RP1: variants seen among roughly 807,000 people sequenced by gnomAD.
The protein encoded by RP1 is oxygen-regulated protein 1.
RP1 carries 16 observed loss-of-function variants against 14.8 expected under a neutral mutation model. That is an observed-to-expected ratio of 1.08 (90% confidence interval 0.73 to 1.65). The LOEUF (loss-of-function observed/expected upper bound fraction) is 1.65. Among genes scored for constraint, RP1 ranks in the 40% most tolerant of loss-of-function variants. The pLI is 0.00. For synonymous variants in RP1, 876 were observed against 883.6 expected (o/e 0.99, Z 0.15); for missense variants, 2,631 against 2,535.0 (o/e 1.04, Z -0.81).
intron 24 of RP1, among the ~76,000 whole-genome samples, chr8:54,830,389 G>A (rs776745311): frequency 1.1e-4 from 16 of 151,548 alleles, no homozygotes; most frequent in Middle Eastern, 3.4e-3. Flanking sequence ...CCATTAACTC[G>A]TCATTTACAT....
At chr8:54,744,729 T>C (rs1458265535) in intron 19 of RP1, among the ~76,000 whole-genome samples, 1 of 152,250 alleles carries the variant, frequency 6.6e-6, no homozygotes, top group African/African-American at 2.4e-5. Flanking sequence ...TGGAAGTTTA[T>C]TGCTATACGG....
intron 19 of RP1, among the ~76,000 whole-genome samples, chr8:54,751,478 G>A (rs1383530158): frequency 2.0e-5 from 3 of 152,178 alleles, no homozygotes; most frequent in Non-Finnish European, 2.9e-5. Flanking sequence ...GACTGCTGTT[G>A]CTCACTGATC....
At chr8:54,701,600 A>C in exon 14 of RP1, 1 of 1,535,804 alleles carries the variant, frequency 6.5e-7, no homozygotes, top group Non-Finnish European at 8.7e-7. Context: ...TCATGGCAAA[A>C]TAGCTGATGC....
downstream of RP1, among the ~76,000 whole-genome samples, chr8:54,773,365 G>A (rs760874666): frequency 1.3e-5 from 2 of 151,930 alleles, no homozygotes; most frequent in Non-Finnish European, 2.9e-5. Context: ...GTCCAGGTGC[G>A]GTGGCTCATG....
At position 54,626,287 on chromosome 8, in the gene RP1, T is replaced by A; in HGVS notation, c.2405T>A (p.Phe802Tyr). The A allele has an allele frequency of 1.2e-6, 2 of 1,613,464 alleles. No homozygotes were observed. Among genetic ancestry groups the A allele is most frequent in the Non-Finnish European group, 1.7e-6 (2 of 1,179,664 alleles). ...KREIGQRDKV[F>Y]PHNESKYCKS... ...GAAATCGGTCAAAGAGATAAAGTGT[T>A]TCCTCACAATGAATCTAAATATTGC... The change falls in exon 4 of 4, where the codon TTT becomes TAT. Residue 802 changes from phenylalanine to tyrosine, a missense_variant. Transcript: ENST00000220676.
At chr8:54,699,420 T>A (rs1255570997) in intron 12 of RP1, 1 of 987,022 alleles carries the variant, frequency 1.0e-6, no homozygotes, top group Non-Finnish European at 1.4e-6. Context: ...ATGAAAAAAG[T>A]TTTAAAAGCC....
intron 24 of RP1, among the ~76,000 whole-genome samples, chr8:54,788,380 G>A (rs922009998): frequency 4.6e-5 from 7 of 152,184 alleles, no homozygotes; most frequent in African/African-American, 1.7e-4. Flanking sequence ...GTGTTAGCAT[G>A]TCATTTTGAT....
At chr8:54,755,115 A>C (rs1327807962) in intron 20 of RP1, among the ~76,000 whole-genome samples, 3 of 152,150 alleles carry the variant, frequency 2.0e-5, no homozygotes, top group Non-Finnish European at 4.4e-5. Context: ...CTTAGATTAA[A>C]TGTAATCTCA....
chr8:54,727,702 T>A (rs1487774602), intron 17 of RP1, among the ~76,000 whole-genome samples: 1 of 152,144 alleles, frequency 6.6e-6, no homozygotes, highest in Non-Finnish European at 1.5e-5. Flanking sequence ...ATATGAATTG[T>A]GTGCCCATTA....
intron 24 of RP1, among the ~76,000 whole-genome samples, chr8:54,827,665 G>A (rs982996483): frequency 1.3e-5 from 2 of 152,008 alleles, no homozygotes; most frequent in African/African-American, 4.8e-5. Flanking sequence ...AAGAGAGGCC[G>A]AGACGGCAGA....
chr8:54,662,283 G>T (rs1170430693), intron 6 of RP1, among the ~76,000 whole-genome samples: 1 of 152,122 alleles, frequency 6.6e-6, no homozygotes. Context: ...GTTAATTTCA[G>T]GTTATAAATC....
intron 27 of RP1, among the ~76,000 whole-genome samples, chr8:54,859,336 G>A (rs1269978082): frequency 1.3e-5 from 1 of 75,700 alleles, no homozygotes; most frequent in African/African-American, 5.2e-5. Context: ...TGGTGTCACT[G>A]TAGGGTGGTG....
Position 54,625,227 on chromosome 8 carries a change from C to T in RP1, c.1345C>T (p.Pro449Ser). 1.2e-6 allele frequency: 2 copies of T among 1,614,042 alleles called. No homozygotes were observed. Among genetic ancestry groups the T allele is most frequent in the East Asian group, 4.5e-5 (2 of 44,872 alleles). ...CCAAGCAAAGCATCGTTTTTATAGGCCCCCTACACCTGGACTAAGAAGAGT... is the reference window on the plus strand; with the variant it reads ...CCAAGCAAAGCATCGTTTTTATAGGTCCCCTACACCTGGACTAAGAAGAGT... Reference protein sequence around the residue: ...QDQAKHRFYRPPTPGLRRVRQ... With the variant: ...QDQAKHRFYRSPTPGLRRVRQ... The change falls in exon 4 of 4, where the codon CCC becomes TCC. Residue 449 changes from proline to serine, a missense_variant. Transcript: ENST00000220676.
chr8:54,758,778 C>T, intron 21 of RP1: 1 of 724,258 alleles, frequency 1.4e-6, no homozygotes, highest in Non-Finnish European at 2.1e-6. Context: ...ACCATATTGC[C>T]CCTTTTGATG....
chr8:54,722,579 C>T (rs1020800225), intron 16 of RP1, among the ~76,000 whole-genome samples: 1 of 152,114 alleles, frequency 6.6e-6, no homozygotes, highest in African/African-American at 2.4e-5. Flanking sequence ...ATTGAGCCTA[C>T]ACTATGCCAA....
At chr8:54,618,738 A>G (rs7814894) in intron 1 of RP1, among the ~76,000 whole-genome samples, 12,286 of 152,114 alleles carry the variant, frequency 0.081, 1,548 homozygotes, top group African/African-American at 0.27. Context: ...TCACTGCAAC[A>G]TCTGCCTCCT....
At chr8:54,665,399 T>A (rs1404125017) in intron 7 of RP1, among the ~76,000 whole-genome samples, 1 of 152,152 alleles carries the variant, frequency 6.6e-6, no homozygotes, top group Non-Finnish European at 1.5e-5. Context: ...CCAACTACTG[T>A]CTTTGTTTTT....
chr8:54,596,048 G>A (rs1047749913), intron 1 of RP1, among the ~76,000 whole-genome samples: 3 of 152,200 alleles, frequency 2.0e-5, no homozygotes, highest in East Asian at 3.8e-4. Flanking sequence ...ATGATACATT[G>A]TAATTTAGTG....
At chr8:54,806,005 ATTATTT>A (rs1211435537) in intron 24 of RP1, among the ~76,000 whole-genome samples, 4 of 151,632 alleles carry the variant, frequency 2.6e-5, no homozygotes, top group Admixed American at 1.3e-4. Flanking sequence ...TGGTGTTTTT[ATTATTT>A]TTATTTTTAT....
Sources: allele counts gnomAD v4.1 joint callset (sites outside exome capture counted in the v4.1 genomes callset), GRCh38; gene constraint gnomAD v4.1.1; transcripts MANE v1.5; gene names NCBI Gene and HGNC (gene_info 2026-07-23, HGNC 2026-07-21).